NMNAT3: variants seen among roughly 807,000 people sequenced by gnomAD.
The protein encoded by NMNAT3 is nicotinamide/nicotinic acid mononucleotide adenylyltransferase 3.
NMNAT3 carries 21 observed loss-of-function variants against 24.8 expected under a neutral mutation model. The observed-to-expected ratio is 0.85, with a 90% CI of 0.60 to 1.22. NMNAT3 has a LOEUF of 1.22. NMNAT3 is among the 50% of genes most tolerant of loss of function. The pLI is 0.00. For missense variants in NMNAT3, 387 were observed against 436.6 expected (o/e 0.89, Z 1.01); for synonymous variants, 136 against 155.2 (o/e 0.88, Z 0.92).
chr3:139,662,660 G>C (rs904886430), intron 1 of NMNAT3, among the ~76,000 whole-genome samples: 3 of 152,120 alleles, frequency 2.0e-5, no homozygotes, highest in African/African-American at 7.2e-5. Context: ...AAGAATTGGA[G>C]GAGGAAGGCC....
intron 5 of NMNAT3, 111 bp downstream of exon 5, chr3:139,578,761 G>A (rs574020408): frequency 1.1e-6 from 1 of 875,356 alleles, no homozygotes; most frequent in South Asian, 2.4e-5. Flanking sequence ...TATTTGCTGA[G>A]AAGGTCTGGC....
chr3:139,641,651 AG>A (rs1319030584), intron 1 of NMNAT3, among the ~76,000 whole-genome samples: 2 of 152,246 alleles, frequency 1.3e-5, no homozygotes, highest in Non-Finnish European at 2.9e-5. Context: ...TTCAGCCCAC[AG>A]ACATCCAACT....
intron 3 of NMNAT3, among the ~76,000 whole-genome samples, chr3:139,602,363 C>T (rs2054755610): frequency 1.3e-5 from 2 of 152,156 alleles, no homozygotes; most frequent in Admixed American, 6.5e-5. Context: ...CTTGCCTGGG[C>T]TGCTCCTGAA....
chr3:139,672,055 C>T (rs1447043626), intron 1 of NMNAT3, among the ~76,000 whole-genome samples: 3 of 152,216 alleles, frequency 2.0e-5, no homozygotes, highest in African/African-American at 4.8e-5. Context: ...GATATCAGGG[C>T]TGCTGATGGC....
At position 139,606,990 on chromosome 3, in the gene NMNAT3, C is replaced by G. The variant is rs149506188; in HGVS notation, c.109+20626G>C. 5.8e-3 allele frequency among the ~76,000 whole-genome samples: 878 copies of G among 152,166 alleles called. 14 individuals are homozygous for G. The highest frequency in any genetic ancestry group is 0.02 in the African/African-American group (821 of 41,532). On this transcript the variant is annotated intron_variant, in intron 3 of 6. Transcript: ENST00000643695. ...CAGGCTTATCTTGTAAGCTCCCTGC[C>G]CCAGCCCTGGAATCAACCATTTCTC... is the stretch of plus-strand genomic sequence containing the variant.
intron 1 of NMNAT3, among the ~76,000 whole-genome samples, chr3:139,668,260 G>A (rs932004038): frequency 1.3e-5 from 2 of 152,210 alleles, no homozygotes. Flanking sequence ...GACAGAGAAA[G>A]CCTGTAAGAT....
intron 3 of NMNAT3, chr3:139,583,364 T>G: frequency 6.5e-7 from 1 of 1,531,374 alleles, no homozygotes; most frequent in Non-Finnish European, 9.1e-7. Context: ...AGGTACATTT[T>G]CAACTGGAAT....
intron 1 of NMNAT3, among the ~76,000 whole-genome samples, chr3:139,671,908 G>A (rs1367161889): frequency 6.6e-6 from 1 of 152,186 alleles, no homozygotes; most frequent in Non-Finnish European, 1.5e-5. Context: ...CTGACCTGGT[G>A]TGATTCCCTC....
intron 3 of NMNAT3, chr3:139,583,656 G>A: frequency 1.1e-6 from 1 of 919,268 alleles, no homozygotes; most frequent in African/African-American, 1.7e-5. Context: ...AGCTATGGAA[G>A]TAGTTTGTGA....
At chr3:139,579,382 G>A (rs1292290915) in intron 4 of NMNAT3, among the ~76,000 whole-genome samples, 1 of 152,182 alleles carries the variant, frequency 6.6e-6, no homozygotes, top group Non-Finnish European at 1.5e-5. Context: ...TATAGTTGAG[G>A]AACAGCATGA....
At chr3:139,617,515 T>G (rs556170574) in intron 3 of NMNAT3, among the ~76,000 whole-genome samples, 3 of 152,286 alleles carry the variant, frequency 2.0e-5, no homozygotes, top group South Asian at 4.1e-4. Context: ...AGGGCTGTTA[T>G]GAAAATTAAA....
intron 3 of NMNAT3, among the ~76,000 whole-genome samples, chr3:139,601,879 G>A (rs1267701309): frequency 6.6e-6 from 1 of 152,210 alleles, no homozygotes; most frequent in Non-Finnish European, 1.5e-5. Flanking sequence ...AAGGCAGATG[G>A]TAACCTAAGA....
At chr3:139,656,434 CT>C (rs1307789272) in intron 1 of NMNAT3, among the ~76,000 whole-genome samples, 2 of 152,108 alleles carry the variant, frequency 1.3e-5, no homozygotes, top group African/African-American at 4.8e-5. Context: ...CTGCTCAGTC[CT>C]GGGGAAAGAG....
chr3:139,561,295 C>T lies in NMNAT3; in HGVS notation c.756G>A (p.Glu252=). 6.2e-7 allele frequency: 1 copy of T among 1,614,078 alleles called. No individual in the cohort carries two copies. The highest frequency in any genetic ancestry group is 8.5e-7 in the Non-Finnish European group (1 of 1,179,998). Reference sequence around the variant, plus strand: ...GGCCCACGCACACCAAGCCAAACTTCTCCACTATTTCCTGGATGTGCGCAT... The same window carrying T: ...GGCCCACGCACACCAAGCCAAACTTTTCCACTATTTCCTGGATGTGCGCAT... The change falls in exon 7 of 7, where the codon GAG becomes GAA. Residue 252 remains glutamate, a synonymous_variant. Transcript: ENST00000643695.
chr3:139,631,090 G>A (rs551383007), intron 2 of NMNAT3, among the ~76,000 whole-genome samples: 1 of 152,300 alleles, frequency 6.6e-6, no homozygotes, highest in African/African-American at 2.4e-5. Context: ...TGCTGAGAAG[G>A]AGAATAAATG....
intron 1 of NMNAT3, among the ~76,000 whole-genome samples, chr3:139,672,865 T>C (rs2057803337): frequency 6.6e-6 from 1 of 152,154 alleles, no homozygotes; most frequent in South Asian, 2.1e-4. Context: ...CTGTTCTCAG[T>C]GGAAATGAAT....
intron 1 of NMNAT3, among the ~76,000 whole-genome samples, chr3:139,652,105 G>A (rs1424132774): frequency 6.6e-6 from 1 of 152,178 alleles, no homozygotes; most frequent in East Asian, 1.9e-4. Context: ...AGGAAGCCAT[G>A]CCTGGGGAAG....
chr3:139,674,474 A>G (rs1393257091), intron 1 of NMNAT3, among the ~76,000 whole-genome samples: 2 of 152,194 alleles, frequency 1.3e-5, no homozygotes, highest in Non-Finnish European at 2.9e-5. Flanking sequence ...AAAGACAGAC[A>G]CTGGTGAGGA....
At chr3:139,591,274 G>A (rs1033117718) in intron 3 of NMNAT3, among the ~76,000 whole-genome samples, 67 of 151,886 alleles carry the variant, frequency 4.4e-4, no homozygotes, top group African/African-American at 1.6e-3. Context: ...CTTAAGAAAC[G>A]GCGCACGACG....
Sources: gnomAD v4.1 joint callset for allele counts (sites outside exome capture counted in the v4.1 genomes callset) on GRCh38, gnomAD v4.1.1 for gene constraint, MANE v1.5 for transcripts, NCBI Gene and HGNC (gene_info 2026-07-23, HGNC 2026-07-21) for gene names.